COG3: variants seen among roughly 807,000 people sequenced by gnomAD.
COG3 encodes the protein conserved oligomeric Golgi complex subunit 3.
A neutral mutation model predicts 114.1 loss-of-function variants in COG3; 32 were observed. The ratio of observed to expected loss-of-function variants is 0.28; its 90% CI spans 0.21 to 0.38. The LOEUF (loss-of-function observed/expected upper bound fraction) is 0.38. Ranked by LOEUF, COG3 falls within the 10% of genes least tolerant of loss-of-function variation. The probability of loss-of-function intolerance (pLI) is 1.00; values close to 1 mark genes in which losing one functional copy is unlikely to be tolerated. For missense variants in COG3, 813 were observed against 973.2 expected, an observed-to-expected ratio of 0.84 and a Z score of 2.19; for synonymous variants, 352 against 365.7, an observed-to-expected ratio of 0.96 and a Z score of 0.43.
Position 45,530,762 on chromosome 13 carries a change from C to T in COG3, c.2439C>T (p.Ala813=). Residue 813 remains alanine (A), a synonymous_variant, in exon 22 of 23, where the codon GCC becomes GCT. Transcript: ENST00000349995. ...EFSPEDIQII[A]CPSMEQLSLL... is the part of the protein sequence containing the mutation. The stretch of plus-strand genomic sequence containing the variant: ...GCCCTGAAGACATCCAGATCATTGC[C>T]TGTCCATCTATGGAACAGGTAATGG... 4 of 1,612,816 alleles carry T rather than the reference C, an allele frequency of 2.5e-6. No individual in the cohort carries two copies. Among genetic ancestry groups the T allele is most frequent in the Non-Finnish European group, 3.4e-6 (4 of 1,178,860 alleles).
At chr13:45,508,068 TAAAAAAAAAAAAAAAAAA>T (rs10571583) in intron 14 of COG3, among the ~76,000 whole-genome samples, 18 of 32,276 alleles carry the variant, frequency 5.6e-4, no homozygotes, top group East Asian at 4.3e-3. Context: ...AGGTCCAACC[TAAAAAAAAAAAAAAAAAA>T]AAAAAAAAAA....
intron 19 of COG3, among the ~76,000 whole-genome samples, chr13:45,521,805 T>TTTTTAGC (rs1325951350): frequency 6.5e-4 from 2 of 3,096 alleles, no homozygotes; most frequent in Non-Finnish European, 2.1e-3. Flanking sequence ...TAGTTAGCTT[T>TTTTTAGC]TTTTTTTTTT....
intron 1 of COG3, among the ~76,000 whole-genome samples, chr13:45,473,005 G>C (rs999631512): frequency 5.3e-5 from 8 of 152,172 alleles, no homozygotes; most frequent in African/African-American, 1.9e-4. Flanking sequence ...GAGTAGCTGG[G>C]ACTACAGGCG....
intron 16 of COG3, among the ~76,000 whole-genome samples, chr13:45,514,725 G>A (rs1452943110): frequency 2.6e-5 from 4 of 151,834 alleles, no homozygotes; most frequent in Admixed American, 2.6e-4. Context: ...TTGGCTCACT[G>A]CAAGCTCCGC....
In COG3 at chr13:45,483,250, C is replaced by G; in HGVS notation, c.738C>G (p.Pro246=). 1 of 1,581,070 alleles carries G rather than the reference C, an allele frequency of 6.3e-7. No individual in the cohort carries two copies. Among genetic ancestry groups the G allele is most frequent in the Non-Finnish European group, 8.7e-7 (1 of 1,151,546 alleles). The change falls in exon 7 of 23, where the codon CCC becomes CCG. Residue 246 remains proline (P), a synonymous_variant. Transcript: ENST00000349995. The part of the protein sequence containing the change: ...ISSHPNFKDY[P]IYLLKFKQCL... ...TACAGCCTAATTTTAAAGATTATCC[C>G]ATATATTTGCTGAAGTTTAAACAGT...
At chr13:45,496,022 G>A (rs947358690) in intron 12 of COG3, 130 bp from the exon 13 acceptor site, 26 of 719,856 alleles carry the variant, frequency 3.6e-5, no homozygotes, top group Non-Finnish European at 5.2e-5. Flanking sequence ...TGCTGAAATA[G>A]AATACAATCA....
intron 1 of COG3, among the ~76,000 whole-genome samples, chr13:45,473,625 G>A (rs1010614918): frequency 3.9e-5 from 6 of 152,056 alleles, no homozygotes; most frequent in African/African-American, 1.5e-4. Flanking sequence ...TATTAGATGG[G>A]AATAATAATA....
chr13:45,513,936 A>T (rs1485966697), intron 16 of COG3, among the ~76,000 whole-genome samples: 3 of 152,154 alleles, frequency 2.0e-5, no homozygotes, highest in African/African-American at 7.2e-5. Flanking sequence ...TTTAAGATGC[A>T]AATCAGATAA....
intron 22 of COG3, among the ~76,000 whole-genome samples, chr13:45,533,491 AT>A (rs1873346460): frequency 6.6e-6 from 1 of 152,130 alleles, no homozygotes; most frequent in Non-Finnish European, 1.5e-5. Context: ...GTTGGGAGAC[AT>A]TGTGCTCCTG....
intron 13 of COG3, among the ~76,000 whole-genome samples, chr13:45,502,451 A>G (rs916682725): frequency 6.6e-6 from 1 of 152,136 alleles, no homozygotes; most frequent in Non-Finnish European, 1.5e-5. Context: ...CACTTGCAGT[A>G]AATATGCTTA....
At chr13:45,492,582 A>G (rs926043165) in intron 11 of COG3, among the ~76,000 whole-genome samples, 3 of 152,168 alleles carry the variant, frequency 2.0e-5, no homozygotes, top group Admixed American at 2.0e-4. Flanking sequence ...AAAAAATTCT[A>G]TGATTCTAAC....
intron 1 of COG3, among the ~76,000 whole-genome samples, chr13:45,475,164 G>T (rs1252214067): frequency 1.3e-5 from 2 of 152,152 alleles, no homozygotes; most frequent in Non-Finnish European, 2.9e-5. Context: ...GAAATGGTAG[G>T]AGGAGGTAAT....
chr13:45,516,496 C>G (rs1472179330), intron 17 of COG3, among the ~76,000 whole-genome samples: 1 of 152,208 alleles, frequency 6.6e-6, no homozygotes, highest in Admixed American at 6.5e-5. Flanking sequence ...ATATTAGACT[C>G]ATTTAGACTC....
At chr13:45,534,550 G>T in intron 22 of COG3, 152 bp from the exon 23 acceptor site, 1 of 424,726 alleles carries the variant, frequency 2.4e-6, no homozygotes, top group South Asian at 1.0e-4. Flanking sequence ...TTTTATTTTA[G>T]ATTCAAGGGG....
In COG3 at chr13:45,500,053, T is replaced by TGAGA. The variant is rs1425987262; in HGVS notation, c.1489-3190_1489-3189insAGAG. Among the ~76,000 whole-genome samples the TGAGA allele has an allele frequency of 3.6e-3, 192 of 52,842 alleles. 9 individuals are homozygous for TGAGA. In the South Asian group the frequency reaches 0.12, roughly 34 times the overall value. The allele number at this position is 52,842 out of a possible 152,430, so 34.7% of individuals were successfully genotyped here. On this transcript the variant is annotated intron_variant, in intron 13 of 22. Transcript: ENST00000349995. ...ATATATATATGTATGTGTGTGTGTG[T>TGAGA]GTGTGTGTGTGTGAGTGTGTGTGTG...
At position 45,530,707 on chromosome 13, in the gene COG3, A is replaced by C; in HGVS notation, c.2384A>C (p.Lys795Thr). 4 of 1,611,240 alleles carry C rather than the reference A, an allele frequency of 2.5e-6. No individual in the cohort carries two copies. Among genetic ancestry groups the C allele is most frequent in the Non-Finnish European group, 3.4e-6 (4 of 1,177,484 alleles). Residue 795 changes from lysine (K) to threonine (T), a missense_variant, in exon 22 of 23, where the codon AAG becomes ACG. Transcript: ENST00000349995. Reference sequence around the variant, plus strand: ...AATAATATTCAGCAAGTCTTCCAGAAGTTCCACGCTCTGTTAAAGGAAGAG... The same window carrying C: ...AATAATATTCAGCAAGTCTTCCAGACGTTCCACGCTCTGTTAAAGGAAGAG... ...VRNNIQQVFQ[K>T]FHALLKEEFS...
At chr13:45,491,115 A>G (rs1358213695) in intron 9 of COG3, among the ~76,000 whole-genome samples, 157 bp downstream of exon 9, 2 of 152,324 alleles carry the variant, frequency 1.3e-5, no homozygotes, top group East Asian at 1.9e-4. Flanking sequence ...AGACTTAGCC[A>G]GTTTACATGA....
chr13:45,504,434 G>A (rs530905708), intron 14 of COG3, among the ~76,000 whole-genome samples: 1 of 152,278 alleles, frequency 6.6e-6, no homozygotes, highest in Admixed American at 6.5e-5. Context: ...GTACATTTCT[G>A]TCTTGCCAAC....
At chr13:45,475,044 C>T (rs1461652809) in intron 1 of COG3, among the ~76,000 whole-genome samples, 1 of 152,138 alleles carries the variant, frequency 6.6e-6, no homozygotes, top group Non-Finnish European at 1.5e-5. Flanking sequence ...GAGACCTTGT[C>T]TGTGGGCCGC....
Sources: allele counts gnomAD v4.1 joint callset (sites outside exome capture counted in the v4.1 genomes callset), GRCh38; gene constraint gnomAD v4.1.1; transcripts MANE v1.5; gene names NCBI Gene and HGNC (gene_info 2026-07-23, HGNC 2026-07-21).